ROBO2: variants seen among roughly 807,000 people sequenced by gnomAD.
ROBO2 encodes the protein roundabout guidance receptor 2, also known as roundabout homolog 2.
Under a neutral mutation model 160.8 loss-of-function variants are expected in ROBO2, and 53 were observed. The observed-to-expected ratio is 0.33, with a 90% CI of 0.26 to 0.41. The LOEUF is 0.41. Ranked by LOEUF, ROBO2 falls within the 10% of genes least tolerant of loss-of-function variation. ROBO2 has a pLI of 1.00. For missense variants in ROBO2, 1,577 were observed against 1,722.4 expected (o/e 0.92, Z 1.49); for synonymous variants, 664 against 611.7 (o/e 1.09, Z -1.26).
chr3:76,892,018 AGT>A (rs2074382969), intron 2 of ROBO2, among the ~76,000 whole-genome samples: 4 of 150,776 alleles, frequency 2.7e-5, no homozygotes, highest in African/African-American at 1.0e-4. Context: ...GTGACCTGGG[AGT>A]TAAACTTCTC....
intron 2 of ROBO2, among the ~76,000 whole-genome samples, chr3:76,367,626 TG>T (rs2075890180): frequency 6.6e-6 from 1 of 151,864 alleles, no homozygotes; most frequent in African/African-American, 2.4e-5. Context: ...TGAAGGAAAA[TG>T]GACCATGTGG....
At chr3:76,498,075 A>G (rs1163273444) in intron 2 of ROBO2, among the ~76,000 whole-genome samples, 2 of 152,230 alleles carry the variant, frequency 1.3e-5, no homozygotes, top group Non-Finnish European at 2.9e-5. Context: ...TTTCAAGAAG[A>G]AAAAATTTTC....
At position 77,295,645 on chromosome 3, in the gene ROBO2, G is replaced by A. The variant is rs369840550; in HGVS notation, c.389-181769G>A. Among the ~76,000 whole-genome samples the A allele has an allele frequency of 7.4e-5, 7 of 94,830 alleles. 1 individual carries two copies. In the East Asian group the frequency reaches 9.7e-4, roughly 13 times the overall value. The allele number at this position is 94,830 out of a possible 152,430, so 62.2% of individuals were successfully genotyped here. ...ATTGACGGTTAAACGGGTAAGCTGAGGCTAGATCACCCCAGACATAAAGTA... is the reference window on the plus strand; with the variant it reads ...ATTGACGGTTAAACGGGTAAGCTGAAGCTAGATCACCCCAGACATAAAGTA... On this transcript the variant is annotated intron_variant, in intron 2 of 25. Transcript: ENST00000461745.
chr3:77,621,523 G>A (rs2094900443), intron 22 of ROBO2, among the ~76,000 whole-genome samples: 1 of 152,108 alleles, frequency 6.6e-6, no homozygotes, highest in Non-Finnish European at 1.5e-5. Context: ...TTTATTCATT[G>A]CAAAAGGTTT....
At chr3:76,197,704 T>C (rs1175434503) in intron 2 of ROBO2, among the ~76,000 whole-genome samples, 1 of 152,176 alleles carries the variant, frequency 6.6e-6, no homozygotes, top group Non-Finnish European at 1.5e-5. Context: ...CTGTCCTACA[T>C]GTGAGGAAAT....
chr3:76,735,664 A>G (rs1183637249), intron 2 of ROBO2, among the ~76,000 whole-genome samples: 1 of 147,852 alleles, frequency 6.8e-6, no homozygotes, highest in African/African-American at 2.5e-5. Flanking sequence ...AGAGAGGCTG[A>G]GGTGAGGGGA....
intron 2 of ROBO2, among the ~76,000 whole-genome samples, chr3:76,136,793 A>G (rs2071443708): frequency 6.6e-6 from 1 of 152,082 alleles, no homozygotes; most frequent in Admixed American, 6.6e-5. Context: ...GTCAAAATAA[A>G]TGCAGAAATC....
At chr3:77,153,573 G>T (rs1293673046) in intron 2 of ROBO2, among the ~76,000 whole-genome samples, 1 of 152,028 alleles carries the variant, frequency 6.6e-6, no homozygotes, top group Non-Finnish European at 1.5e-5. Flanking sequence ...TGCCACAGTT[G>T]ACTTCCTAGT....
intron 2 of ROBO2, among the ~76,000 whole-genome samples, chr3:76,121,183 C>T (rs773149879): frequency 2.4e-4 from 36 of 152,242 alleles, no homozygotes; most frequent in Non-Finnish European, 5.1e-4. Context: ...ACAGCAATTT[C>T]ACAATCAGTC....
At chr3:76,978,540 TA>T (rs2059921444) in intron 2 of ROBO2, among the ~76,000 whole-genome samples, 1 of 152,146 alleles carries the variant, frequency 6.6e-6, no homozygotes, top group African/African-American at 2.4e-5. Flanking sequence ...AGATGAGAAC[TA>T]TATTGCTCAG....
At chr3:76,911,418 G>A (rs2075985620) in intron 2 of ROBO2, among the ~76,000 whole-genome samples, 1 of 152,118 alleles carries the variant, frequency 6.6e-6, no homozygotes, top group Non-Finnish European at 1.5e-5. Context: ...CAAAATACAA[G>A]GAAGTTACTG....
chr3:77,322,707 T>G lies in ROBO2; in HGVS notation c.389-154707T>G, dbSNP rs1418343615. Among the ~76,000 whole-genome samples the G allele has an allele frequency of 6.2e-5, 9 of 146,076 alleles. No individual in the cohort carries two copies. The South Asian group carries it at 1.9e-3, about 31-fold the overall frequency. ...ATTTTAGTTTCTAAGATCTTTATTA[T>G]GAAACAAGAACATAGGTCTAATATA... is the stretch of plus-strand genomic sequence containing the variant. On this transcript the variant is annotated intron_variant, in intron 2 of 25. Transcript: ENST00000461745.
intron 2 of ROBO2, among the ~76,000 whole-genome samples, chr3:76,983,799 A>G (rs2060225452): frequency 6.6e-6 from 1 of 152,236 alleles, no homozygotes; most frequent in South Asian, 2.1e-4. Flanking sequence ...CTACAAGTTC[A>G]AGTGGCTTGA....
At chr3:77,414,774 C>G (rs748379280) in intron 2 of ROBO2, among the ~76,000 whole-genome samples, 115 of 152,190 alleles carry the variant, frequency 7.6e-4, no homozygotes, top group Non-Finnish European at 8.4e-4. Flanking sequence ...AAGTGGGAAC[C>G]CTGGCATACA....
intron 2 of ROBO2, among the ~76,000 whole-genome samples, chr3:76,457,937 C>G (rs13072732): frequency 6.6e-6 from 1 of 151,762 alleles, no homozygotes; most frequent in Non-Finnish European, 1.5e-5. Flanking sequence ...GCACACAGCA[C>G]GGGAACCCTG....
chr3:77,543,853 T>C (rs2092586648), intron 6 of ROBO2, among the ~76,000 whole-genome samples: 1 of 152,152 alleles, frequency 6.6e-6, no homozygotes, highest in Admixed American at 6.6e-5. Flanking sequence ...GCAGTACAAA[T>C]TAACTAATCA....
In ROBO2 at chr3:77,649,649, T is replaced by A. The variant is rs922396647; in HGVS notation, c.*3594T>A. The A allele has an allele frequency of 6.6e-5, 10 of 152,266 alleles. No individual in the cohort carries two copies. In the East Asian group the frequency reaches 1.7e-3, roughly 26 times the overall value. The allele number at this position is 152,266 out of a possible 1,614,324, so 9.4% of individuals were successfully genotyped here. A position where few individuals can be genotyped will look rare whatever the true frequency, so the allele number is the denominator to read the frequency against. The stretch of plus-strand genomic sequence containing the variant: ...GTGTACTTCAAATGAAACACCATAC[T>A]TTTTTCTAAAAAAAGATGTTCAATT... On this transcript the variant is annotated 3_prime_UTR_variant, in exon 26 of 26. Coordinates refer to ENST00000461745, the Ensembl canonical transcript of ROBO2.
intron 2 of ROBO2, among the ~76,000 whole-genome samples, chr3:77,145,137 A>C (rs79752754): frequency 0.078 from 11,900 of 152,190 alleles, 1,094 homozygotes; most frequent in East Asian, 0.21. Flanking sequence ...TCTATGATAG[A>C]TACCTGGAGA....
chr3:77,534,089 G>A (rs986597386), intron 6 of ROBO2, among the ~76,000 whole-genome samples: 1 of 152,148 alleles, frequency 6.6e-6, no homozygotes, highest in Non-Finnish European at 1.5e-5. Flanking sequence ...GGCTAGTTAT[G>A]TTGGTGTCCA....
Sources: gnomAD v4.1 joint callset for allele counts (sites outside exome capture counted in the v4.1 genomes callset) on GRCh38, gnomAD v4.1.1 for gene constraint, MANE v1.5 for transcripts, NCBI Gene and HGNC (gene_info 2026-07-23, HGNC 2026-07-21) for gene names.